Variants in RASGRP3 observed in about 807,000 individuals in gnomAD.
RASGRP3 encodes the protein ras guanyl-releasing protein 3.
In RASGRP3, 54 loss-of-function variants were observed where a neutral mutation model predicts 82.7. The observed-to-expected ratio is 0.65, with a 90% confidence interval of 0.52 to 0.82. The LOEUF (loss-of-function observed/expected upper bound fraction) is 0.82. Among genes scored for constraint, RASGRP3 ranks in the 40% least tolerant of loss-of-function variants. RASGRP3 has a pLI of 0.00. For synonymous variants in RASGRP3, 309 were observed against 300.5 expected (o/e 1.03, Z -0.29); for missense variants, 861 against 828.9 (o/e 1.04, Z -0.48).
At chr2:33,545,073 G>C (rs879354984) in intron 13 of RASGRP3, among the ~76,000 whole-genome samples, 2 of 152,110 alleles carry the variant, frequency 1.3e-5, no homozygotes, top group African/African-American at 2.4e-5. Flanking sequence ...ATGTAAATAG[G>C]ACATTGACTT....
chr2:33,480,761 A>G (rs1349917266), intron 1 of RASGRP3, among the ~76,000 whole-genome samples: 2 of 152,136 alleles, frequency 1.3e-5, no homozygotes, highest in Non-Finnish European at 1.5e-5. Context: ...TTGATTGCTC[A>G]CTTATAGTCC....
intron 1 of RASGRP3, among the ~76,000 whole-genome samples, chr2:33,442,295 C>T (rs976960472): frequency 6.6e-6 from 1 of 152,156 alleles, no homozygotes; most frequent in African/African-American, 2.4e-5. Flanking sequence ...ACCCAAGAGG[C>T]GGAGGTTGCA....
chr2:33,491,614 AG>A (rs1668850837), intron 1 of RASGRP3, among the ~76,000 whole-genome samples: 1 of 152,238 alleles, frequency 6.6e-6, no homozygotes, highest in Non-Finnish European at 1.5e-5. Flanking sequence ...ATGTATTATC[AG>A]TTTCCTTAGT....
intron 9 of RASGRP3, among the ~76,000 whole-genome samples, chr2:33,526,881 C>T (rs1008696891): frequency 1.3e-5 from 2 of 152,096 alleles, no homozygotes; most frequent in Non-Finnish European, 2.9e-5. Context: ...ATTTAATATC[C>T]CAACATCCCT....
At chr2:33,454,705 T>TG (rs1390478593) in intron 2 of RASGRP3, among the ~76,000 whole-genome samples, 2 of 152,170 alleles carry the variant, frequency 1.3e-5, no homozygotes, top group Admixed American at 6.5e-5. Flanking sequence ...GTGTTTAGGC[T>TG]GGGGGACCCT....
intron 11 of RASGRP3, among the ~76,000 whole-genome samples, chr2:33,534,920 G>A (rs1365384117): frequency 6.6e-6 from 1 of 151,828 alleles, no homozygotes; most frequent in African/African-American, 2.4e-5. Flanking sequence ...CTAATAAAGA[G>A]GAAGAACATC....
chr2:33,464,110 A>ATTATT (rs1558406230), intron 2 of RASGRP3, among the ~76,000 whole-genome samples: 113 of 144,258 alleles, frequency 7.8e-4, no homozygotes, highest in African/African-American at 2.7e-3. Context: ...TAATAATAAT[A>ATTATT]ATTATTATTA....
chr2:33,465,421 G>T (rs903213251), intron 2 of RASGRP3, among the ~76,000 whole-genome samples: 2 of 152,210 alleles, frequency 1.3e-5, no homozygotes, highest in African/African-American at 2.4e-5. Context: ...AAGGTGGAAG[G>T]CCGAAGAGGG....
intron 2 of RASGRP3, among the ~76,000 whole-genome samples, chr2:33,459,416 G>A (rs1281741162): frequency 6.6e-6 from 1 of 152,230 alleles, no homozygotes; most frequent in African/African-American, 2.4e-5. Flanking sequence ...TTACAGGCGT[G>A]AGCCACTGCA....
chr2:33,534,701 T>C (rs908484823), intron 11 of RASGRP3, among the ~76,000 whole-genome samples: 1 of 150,060 alleles, frequency 6.7e-6, no homozygotes. Flanking sequence ...GCAATTTTTT[T>C]TTTTTTTTTT....
intron 4 of RASGRP3, 168 bp downstream of exon 4, chr2:33,516,812 C>T (rs900720422): frequency 6.2e-6 from 3 of 487,486 alleles, no homozygotes; most frequent in Non-Finnish European, 1.1e-5. Flanking sequence ...GGATGATAGA[C>T]CAGATAGTTG....
At chr2:33,522,777 T>C (rs1278941990) in intron 7 of RASGRP3, among the ~76,000 whole-genome samples, 1 of 152,204 alleles carries the variant, frequency 6.6e-6, no homozygotes, top group East Asian at 1.9e-4. Context: ...CTCCTCCTTT[T>C]CCAAGGTGTC....
At chr2:33,456,302 T>A (rs1333605428) in intron 2 of RASGRP3, among the ~76,000 whole-genome samples, 3 of 152,210 alleles carry the variant, frequency 2.0e-5, no homozygotes, top group Non-Finnish European at 4.4e-5. Flanking sequence ...GTTTAGACCA[T>A]CTACACTGTG....
chr2:33,467,068 C>CTATA (rs142732530), intron 2 of RASGRP3, among the ~76,000 whole-genome samples: 14 of 150,544 alleles, frequency 9.3e-5, no homozygotes, highest in African/African-American at 2.0e-4. Context: ...AACATACTAA[C>CTATA]TATATATATA....
chr2:33,539,996 AAAAAGAAAAG>A (rs533865626), intron 12 of RASGRP3: 9,604 of 136,858 alleles, frequency 0.07, 357 homozygotes, highest in African/African-American at 0.1. Flanking sequence ...TGAAAAAAAA[AAAAAGAAAAG>A]AAAAGAAAAG....
At chr2:33,496,548 T>C (rs1348097719) in intron 1 of RASGRP3, among the ~76,000 whole-genome samples, 6 of 152,172 alleles carry the variant, frequency 3.9e-5, no homozygotes, top group African/African-American at 1.4e-4. Context: ...TGAGGAATTT[T>C]CTAGTTGTCA....
At chr2:33,559,744 G>A (rs1676444498) in intron 17 of RASGRP3, 1 of 444,670 alleles carries the variant, frequency 2.2e-6, no homozygotes, top group Non-Finnish European at 4.5e-6. Context: ...GACAGCCATT[G>A]CCACCCTGTC....
intron 1 of RASGRP3, among the ~76,000 whole-genome samples, chr2:33,480,322 C>T (rs34530057): frequency 0.16 from 23,962 of 152,062 alleles, 2,072 homozygotes; most frequent in African/African-American, 0.23. Flanking sequence ...GGATTACAGG[C>T]GTGAGCCACT....
chr2:33,542,879 G>T (rs756659588), intron 12 of RASGRP3, among the ~76,000 whole-genome samples: 8 of 151,968 alleles, frequency 5.3e-5, no homozygotes, highest in Non-Finnish European at 1.0e-4. Flanking sequence ...TTTTAGTAGC[G>T]ATGGGGTTTC....
Sources: gnomAD v4.1 joint callset for allele counts (sites outside exome capture counted in the v4.1 genomes callset) on GRCh38, gnomAD v4.1.1 for gene constraint, MANE v1.5 for transcripts, NCBI Gene and HGNC (gene_info 2026-07-23, HGNC 2026-07-21) for gene names.